Variants in CDH13 observed in about 807,000 individuals in gnomAD.
CDH13 encodes the protein cadherin 13.
Under a neutral mutation model 63.8 loss-of-function variants are expected in CDH13, and 24 were observed. That is an observed-to-expected ratio of 0.38 (90% CI 0.27 to 0.53). The LOEUF is 0.53. CDH13 is among the 20% of genes least tolerant of loss of function. The probability of loss-of-function intolerance (pLI) is 0.85; values close to 1 mark genes in which losing one functional copy is unlikely to be tolerated. For synonymous variants in CDH13, 503 were observed against 355.3 expected (o/e 1.42, Z -4.67); for missense variants, 1,049 against 903.1 (o/e 1.16, Z -2.07).
intron 2 of CDH13, among the ~76,000 whole-genome samples, chr16:82,910,014 C>A (rs897948120): frequency 4.6e-5 from 7 of 152,158 alleles, no homozygotes; most frequent in African/African-American, 1.7e-4. Context: ...GATCTGACCA[C>A]TGAAATGTAC....
chr16:83,630,725 A>C (rs556225127), intron 8 of CDH13, among the ~76,000 whole-genome samples: 12 of 152,358 alleles, frequency 7.9e-5, no homozygotes, highest in Admixed American at 6.5e-4. Flanking sequence ...ATGAGCGATC[A>C]GTTTACGTTG....
intron 2 of CDH13, among the ~76,000 whole-genome samples, chr16:82,999,033 C>T (rs1379905173): frequency 7.2e-5 from 11 of 152,118 alleles, no homozygotes; most frequent in Admixed American, 4.6e-4. Flanking sequence ...CACCAAAACG[C>T]GTATTCTTCC....
At chr16:83,493,640 G>A (rs1334120323) in intron 7 of CDH13, among the ~76,000 whole-genome samples, 1 of 152,166 alleles carries the variant, frequency 6.6e-6, no homozygotes, top group Non-Finnish European at 1.5e-5. Flanking sequence ...ATGAGGCTGT[G>A]GTATAGAGAG....
intron 1 of CDH13, among the ~76,000 whole-genome samples, chr16:82,793,792 T>G (rs750842089): frequency 4.6e-5 from 7 of 151,976 alleles, no homozygotes; most frequent in Non-Finnish European, 7.4e-5. Flanking sequence ...GAAAACAGAT[T>G]AGAAGGCTTA....
At chr16:83,241,086 G>T (rs7187255) in intron 5 of CDH13, among the ~76,000 whole-genome samples, 35,819 of 152,038 alleles carry the variant, frequency 0.24, 5,209 homozygotes, top group African/African-American at 0.4. Flanking sequence ...TACAGTATTT[G>T]TCCTTCTATG....
intron 2 of CDH13, among the ~76,000 whole-genome samples, chr16:82,861,589 C>G (rs1390185450): frequency 1.3e-5 from 2 of 152,194 alleles, no homozygotes; most frequent in African/African-American, 4.8e-5. Context: ...CCTCAATTTT[C>G]AATGACTTAT....
At chr16:82,797,774 C>CGTGTGTGTGTGTGTGTGT (rs3046484) in intron 1 of CDH13, among the ~76,000 whole-genome samples, 51 of 145,646 alleles carry the variant, frequency 3.5e-4, no homozygotes, top group South Asian at 6.9e-4. Flanking sequence ...ACTTTAGGGC[C>CGTGTGTGTGTGTGTGTGT]GTGTGTGTGT....
intron 3 of CDH13, among the ~76,000 whole-genome samples, chr16:83,077,780 T>C (rs1261248139): frequency 6.6e-6 from 1 of 152,182 alleles, no homozygotes; most frequent in East Asian, 1.9e-4. Flanking sequence ...TTATCAGAAG[T>C]GTTCACTTAT....
rs551411136 is a variant in CDH13 at position 83,226,936 on chromosome 16, T to C, written c.636+9439T>C. On this transcript the variant is annotated intron_variant, in intron 5 of 13. Coordinates refer to ENST00000567109, the MANE Select transcript of CDH13 (RefSeq NM_001257.5). ...CAGCATAAAGATATTTATTTTTATT[T>C]GGTAAAAATGAGAAGGGAGAGGAAG... Among the ~76,000 whole-genome samples, 14 of 152,328 alleles carry C rather than the reference T, an allele frequency of 9.2e-5. 1 individual carries two copies. The South Asian group carries it at 2.9e-3, about 32-fold the overall frequency.
At chr16:83,191,522 CACACACACATATATAT>C (rs1480481554) in intron 4 of CDH13, among the ~76,000 whole-genome samples, 2 of 90,032 alleles carry the variant, frequency 2.2e-5, no homozygotes, top group African/African-American at 1.0e-4. Context: ...CACACACACA[CACACACACATATATAT>C]ATATATATAT....
intron 4 of CDH13, among the ~76,000 whole-genome samples, chr16:83,178,923 T>C (rs28547449): frequency 0.19 from 28,363 of 152,210 alleles, 3,862 homozygotes; most frequent in African/African-American, 0.39. Flanking sequence ...CATAGAGACG[T>C]GCAGTTAATT....
chr16:82,630,781 C>T (rs1478954355), intron 1 of CDH13, among the ~76,000 whole-genome samples: 1 of 152,228 alleles, frequency 6.6e-6, no homozygotes, highest in Admixed American at 6.5e-5. Flanking sequence ...ATTTAATTTA[C>T]ACCTGAATGA....
intron 3 of CDH13, among the ~76,000 whole-genome samples, chr16:83,049,886 A>C (rs529288832): frequency 6.6e-6 from 1 of 152,208 alleles, no homozygotes; most frequent in East Asian, 1.9e-4. Context: ...TTGCATACTT[A>C]CAAGATTTAT....
chr16:83,472,111 C>G (rs1362583738), intron 6 of CDH13, among the ~76,000 whole-genome samples: 1 of 152,194 alleles, frequency 6.6e-6, no homozygotes, highest in African/African-American at 2.4e-5. Flanking sequence ...CATGTAGTCA[C>G]TCACTTAATC....
At chr16:83,063,877 G>A (rs957009232) in intron 3 of CDH13, among the ~76,000 whole-genome samples, 3 of 152,120 alleles carry the variant, frequency 2.0e-5, no homozygotes, top group South Asian at 4.2e-4. Context: ...AGGCAATTGT[G>A]TAACATTTTT....
chr16:82,821,545 G>C (rs2038000493), intron 1 of CDH13, among the ~76,000 whole-genome samples: 2 of 152,218 alleles, frequency 1.3e-5, no homozygotes, highest in African/African-American at 2.4e-5. Context: ...TTCAAACCTG[G>C]GCTTGGATGT....
At chr16:83,613,252 C>T (rs545975704) in intron 8 of CDH13, among the ~76,000 whole-genome samples, 2 of 152,322 alleles carry the variant, frequency 1.3e-5, no homozygotes, top group South Asian at 4.1e-4. Flanking sequence ...AGCAGCTTAA[C>T]TGTGACATGC....
In CDH13 at chr16:82,988,614, A is replaced by G. The variant is rs553780951; in HGVS notation, c.158-43396A>G. ...CCGTCTCTACAAAAATACAAAAATT[A>G]GCTGGGCATGTTGGTGGGTGCCTGT... On this transcript the variant is annotated intron_variant, in intron 2 of 13. Coordinates refer to ENST00000567109, the MANE Select transcript of CDH13 (RefSeq NM_001257.5). Among the ~76,000 whole-genome samples the G allele has an allele frequency of 3.9e-5, 6 of 152,186 alleles. No homozygotes were observed. In the South Asian group the frequency reaches 1.2e-3, roughly 32 times the overall value.
rs967188303 is a variant in CDH13 at position 83,800,344 on chromosome 16, A to T, written c.*5314A>T. 1.3e-5 allele frequency: 2 copies of T among 152,246 alleles called. No homozygotes were observed. The highest frequency in any genetic ancestry group is 2.9e-5 in the Non-Finnish European group (2 of 68,040). 9.4% of individuals were successfully genotyped at this position (152,246 alleles called of 1,614,324 possible). On this transcript the variant is annotated 3_prime_UTR_variant, in exon 14 of 14. Coordinates refer to ENST00000567109, the MANE Select transcript of CDH13 (RefSeq NM_001257.5). ...ATTCAGACTATTATTAGAGAGTTAT[A>T]TCTGTGTTGTCATGCACATGTCAAC... is the stretch of plus-strand genomic sequence containing the variant.
Sources: allele counts gnomAD v4.1 joint callset (sites outside exome capture counted in the v4.1 genomes callset), GRCh38; gene constraint gnomAD v4.1.1; transcripts MANE v1.5; gene names NCBI Gene and HGNC (gene_info 2026-07-23, HGNC 2026-07-21).